The following GRID2 variants were observed in gnomAD, a reference collection of about 807,000 sequenced individuals.
GRID2 encodes the protein glutamate ionotropic receptor delta type subunit 2, also known as glutamate receptor ionotropic, delta-2.
A neutral mutation model predicts 114.8 loss-of-function variants in GRID2; 33 were observed. The observed-to-expected ratio is 0.29, with a 90% confidence interval of 0.22 to 0.38. The LOEUF is 0.38. GRID2 is among the 10% of genes least tolerant of loss of function. The probability of loss-of-function intolerance (pLI) is 1.00; values close to 1 mark genes in which losing one functional copy is unlikely to be tolerated. For missense variants in GRID2, 1,184 were observed against 1,257.7 expected, an observed-to-expected ratio of 0.94 and a Z score of 0.89; for synonymous variants, 505 against 449.9, an observed-to-expected ratio of 1.12 and a Z score of -1.55.
At chr4:92,927,981 G>A (rs1749949420) in intron 2 of GRID2, among the ~76,000 whole-genome samples, 1 of 151,646 alleles carries the variant, frequency 6.6e-6, no homozygotes, top group Non-Finnish European at 1.5e-5. Flanking sequence ...TGCTCAAAAT[G>A]TTTCAAATTT....
chr4:93,757,494 T>G (rs1732851769), intron 14 of GRID2, among the ~76,000 whole-genome samples: 1 of 152,232 alleles, frequency 6.6e-6, no homozygotes, highest in African/African-American at 2.4e-5. Context: ...CTCCAAAATG[T>G]TGTTCCTAAA....
chr4:93,356,362 G>T (rs1408425376), intron 8 of GRID2, among the ~76,000 whole-genome samples: 1 of 151,854 alleles, frequency 6.6e-6, no homozygotes, highest in East Asian at 1.9e-4. Flanking sequence ...TGCTGTTCTT[G>T]TTAATTTAGC....
At chr4:93,001,543 G>T (rs1286359822) in intron 2 of GRID2, among the ~76,000 whole-genome samples, 2 of 151,684 alleles carry the variant, frequency 1.3e-5, no homozygotes, top group Non-Finnish European at 3.0e-5. Flanking sequence ...TGTTTTACTT[G>T]TTAAATCTGC....
chr4:92,564,083 C>G (rs1385127245), intron 1 of GRID2, among the ~76,000 whole-genome samples: 8 of 151,976 alleles, frequency 5.3e-5, no homozygotes, highest in African/African-American at 1.9e-4. Context: ...TGGATTATGT[C>G]ACATTTTATT....
At chr4:93,605,196 A>G (rs1740100946) in intron 13 of GRID2, among the ~76,000 whole-genome samples, 1 of 151,282 alleles carries the variant, frequency 6.6e-6, no homozygotes, top group African/African-American at 2.5e-5. Flanking sequence ...CACTAGCCCC[A>G]TGTGACTAAT....
intron 7 of GRID2, among the ~76,000 whole-genome samples, chr4:93,230,388 A>G (rs1236268259): frequency 6.6e-6 from 1 of 152,152 alleles, no homozygotes; most frequent in African/African-American, 2.4e-5. Context: ...GCATAGACTT[A>G]AAAAGCAGCA....
intron 13 of GRID2, among the ~76,000 whole-genome samples, chr4:93,570,545 T>A (rs1397410287): frequency 6.6e-6 from 1 of 152,152 alleles, no homozygotes; most frequent in Non-Finnish European, 1.5e-5. Context: ...GTGATGCAAA[T>A]GATTCTGCTA....
At chr4:92,976,497 T>A (rs1753882665) in intron 2 of GRID2, among the ~76,000 whole-genome samples, 2 of 152,072 alleles carry the variant, frequency 1.3e-5, no homozygotes, top group East Asian at 1.9e-4. Context: ...ACTCTTGATT[T>A]TATATATATA....
intron 1 of GRID2, among the ~76,000 whole-genome samples, chr4:92,520,562 G>A (rs185599280): frequency 1.2e-3 from 178 of 152,036 alleles, no homozygotes; most frequent in Non-Finnish European, 1.7e-3. Flanking sequence ...CCTGGATGAG[G>A]TTGCTCTAGT....
At chr4:92,482,414 A>C (rs1560660893) in intron 1 of GRID2, among the ~76,000 whole-genome samples, 1 of 151,964 alleles carries the variant, frequency 6.6e-6, no homozygotes, top group Non-Finnish European at 1.5e-5. Context: ...CCATGTAACA[A>C]ACCTTCACCT....
chr4:92,451,338 C>T (rs1003678500), intron 1 of GRID2, among the ~76,000 whole-genome samples: 9 of 152,042 alleles, frequency 5.9e-5, no homozygotes, highest in East Asian at 5.8e-4. Flanking sequence ...TCTAGAATCA[C>T]GCTCAATTTA....
chr4:93,541,383 A>G (rs184227205), intron 13 of GRID2, among the ~76,000 whole-genome samples: 163 of 152,274 alleles, frequency 1.1e-3, no homozygotes, highest in African/African-American at 3.8e-3. Context: ...CTTTTAGGGT[A>G]CAAGTGTATT....
intron 8 of GRID2, among the ~76,000 whole-genome samples, chr4:93,389,115 TAGAC>T (rs1427567065): frequency 1.3e-5 from 2 of 152,124 alleles, no homozygotes; most frequent in Non-Finnish European, 2.9e-5. Flanking sequence ...GGCACTGTAA[TAGAC>T]AGAAAAATGA....
At chr4:92,985,344 CTCAGCTGAGGACTGGCCTCAGCT>C (rs1754447336) in intron 2 of GRID2, among the ~76,000 whole-genome samples, 2 of 151,782 alleles carry the variant, frequency 1.3e-5, no homozygotes, top group South Asian at 2.1e-4. Context: ...CTGCCTCAGC[CTCAGCTGAGGACTGGCCTCAGCT>C]GCGACTACAG....
chr4:92,726,776 T>C (rs886773949), intron 2 of GRID2, among the ~76,000 whole-genome samples: 1 of 152,104 alleles, frequency 6.6e-6, no homozygotes, highest in African/African-American at 2.4e-5. Flanking sequence ...AAATCAATTC[T>C]ATGTACCAGA....
intron 14 of GRID2, among the ~76,000 whole-genome samples, chr4:93,658,802 C>A (rs1723236054): frequency 6.6e-6 from 1 of 152,262 alleles, no homozygotes; most frequent in South Asian, 2.1e-4. Flanking sequence ...TCATAGTGTT[C>A]AATCTCCAGC....
chr4:92,968,638 AT>A (rs1698000131), intron 2 of GRID2, among the ~76,000 whole-genome samples: 1 of 151,886 alleles, frequency 6.6e-6, no homozygotes, highest in Non-Finnish European at 1.5e-5. Flanking sequence ...AATGGCTTTA[AT>A]AGATTCACAT....
In GRID2 at chr4:93,473,994, C is replaced by T. The variant is rs148322840; in HGVS notation, c.1859-16645C>T. ...AAAATATAACTCACCATTTTGTTTG[C>T]ATGTACAATTTATACATTGAAAGTG... On this transcript the variant is annotated intron_variant, in intron 11 of 15. Transcript: ENST00000282020. Among the ~76,000 whole-genome samples, 1,166 of 152,060 alleles carry T rather than the reference C, an allele frequency of 7.7e-3. 6 individuals are homozygous for T. The highest frequency in any genetic ancestry group is 0.027 in the Middle Eastern group (8 of 294).
chr4:92,443,675 T>C (rs1733261742), intron 1 of GRID2, among the ~76,000 whole-genome samples: 1 of 151,880 alleles, frequency 6.6e-6, no homozygotes, highest in African/African-American at 2.4e-5. Flanking sequence ...GTACTTGCCC[T>C]GTGCCCGGAA....
Sources: gnomAD v4.1 joint callset for allele counts (sites outside exome capture counted in the v4.1 genomes callset) on GRCh38, gnomAD v4.1.1 for gene constraint, MANE v1.5 for transcripts, NCBI Gene and HGNC (gene_info 2026-07-23, HGNC 2026-07-21) for gene names.